VWA3A: variants seen among roughly 807,000 people sequenced by gnomAD.
VWA3A encodes von Willebrand factor A domain-containing protein 3A.
VWA3A carries 134 observed loss-of-function variants against 160.4 expected under a neutral mutation model. That is an observed-to-expected ratio of 0.84 (90% CI 0.73 to 0.96). The LOEUF (loss-of-function observed/expected upper bound fraction) is 0.96. Among genes scored for constraint, VWA3A ranks in the 40% least tolerant of loss-of-function variants. The pLI, the probability that VWA3A is intolerant of heterozygous loss-of-function variation, is 0.00. For missense variants in VWA3A, 1,310 were observed against 1,447.9 expected (o/e 0.90, Z 1.55); for synonymous variants, 476 against 543.4 (o/e 0.88, Z 1.72).
intron 7 of VWA3A, among the ~76,000 whole-genome samples, chr16:22,110,299 G>C (rs913418193): frequency 6.6e-6 from 1 of 152,186 alleles, no homozygotes; most frequent in Admixed American, 6.5e-5. Context: ...TTTTCTTACG[G>C]GTACCATGGC....
At chr16:22,115,846 G>T (rs1409867754) in intron 9 of VWA3A, among the ~76,000 whole-genome samples, 1 of 3,064 alleles carries the variant, frequency 3.3e-4, no homozygotes, top group African/African-American at 0.01. Flanking sequence ...AGGAAGGAAG[G>T]AAGGAAGGAA....
chr16:22,136,663 T>A (rs2046046647), intron 21 of VWA3A, among the ~76,000 whole-genome samples: 1 of 151,980 alleles, frequency 6.6e-6, no homozygotes. Flanking sequence ...CTGTGGCCAC[T>A]GGATCTGCAG....
At position 22,154,960 on chromosome 16, in the gene VWA3A, C is replaced by CA. The variant is rs747770335; in HGVS notation, c.3406-570dup. On this transcript the variant is annotated intron_variant, in intron 31 of 33. Coordinates refer to ENST00000389398, the MANE Select transcript of VWA3A (RefSeq NM_173615.5). ...TGGGCGACAGAGCGAGACTCCGTCT[C>CA]AAAAAAAAAAAAAAAAAAAAAAAAA... Among the ~76,000 whole-genome samples the CA allele has an allele frequency of 1.7e-4, 9 of 54,430 alleles. 2 individuals carry two copies. Among genetic ancestry groups the CA allele is most frequent in the East Asian group, 1.0e-3 (3 of 2,870 alleles). The allele number at this position is 54,430 out of a possible 152,430, so 35.7% of individuals were successfully genotyped here.
chr16:22,155,749 A>G, intron 32 of VWA3A, 85 bp downstream of exon 32: 1 of 1,602,422 alleles, frequency 6.2e-7, no homozygotes, highest in Non-Finnish European at 8.5e-7. Context: ...GGCCGCACCC[A>G]TGATGGTACC....
intron 1 of VWA3A, among the ~76,000 whole-genome samples, chr16:22,093,446 T>C (rs1370413468): frequency 6.6e-6 from 1 of 152,158 alleles, no homozygotes; most frequent in Admixed American, 6.5e-5. Flanking sequence ...TAAGATTTCA[T>C]TTGAGCAAAG....
intron 17 of VWA3A, among the ~76,000 whole-genome samples, chr16:22,130,954 G>T (rs1025694943): frequency 6.6e-6 from 1 of 152,128 alleles, no homozygotes; most frequent in Non-Finnish European, 1.5e-5. Context: ...TAAAGAGGGG[G>T]CCACACGCCA....
At chr16:22,150,607 G>C in intron 29 of VWA3A, 88 bp from the exon 30 acceptor site, 1 of 1,452,220 alleles carries the variant, frequency 6.9e-7, no homozygotes, top group Non-Finnish European at 9.2e-7. Context: ...TGGCAGAGGC[G>C]GCAGCAGGCA....
chr16:22,138,392 T>TTCAGGAAAAA lies in VWA3A; in HGVS notation c.2181_2182insATCAGGAAAA (p.Val728IlefsTer43). On this transcript the variant is annotated frameshift_variant, in exon 22 of 34. Transcript: ENST00000389398. LOFTEE classifies it high-confidence loss of function. The stretch of plus-strand genomic sequence containing the variant: ...TCCTCATGGCCTCCCTGAAGAACCA[T>TTCAGGAAAAA]TCAGGAAAAGTACTGGGAAGTTCAG... 1 of 1,606,422 alleles carries TTCAGGAAAAA rather than the reference T, an allele frequency of 6.2e-7. No homozygotes were observed. Among genetic ancestry groups the TTCAGGAAAAA allele is most frequent in the Non-Finnish European group, 8.5e-7 (1 of 1,176,758 alleles).
At chr16:22,099,462 A>G (rs183811715) in intron 3 of VWA3A, among the ~76,000 whole-genome samples, 2 of 152,322 alleles carry the variant, frequency 1.3e-5, no homozygotes, top group Admixed American at 1.3e-4. Flanking sequence ...GATTACCTAA[A>G]TTATCTGTAC....
At position 22,094,392 on chromosome 16, in the gene VWA3A, A is replaced by C. The variant is rs188437492; in HGVS notation, c.14+1741A>C. On this transcript the variant is annotated intron_variant, in intron 1 of 33. Coordinates refer to ENST00000389398, the MANE Select transcript of VWA3A (RefSeq NM_173615.5). The stretch of plus-strand genomic sequence containing the variant: ...AGAAAACAAAGCATCCTCTGAATAA[A>C]AGATTAAAGACTTGAAAGAGAAAAG... Among the ~76,000 whole-genome samples, 4 of 152,218 alleles carry C rather than the reference A, an allele frequency of 2.6e-5. No homozygotes were observed. The East Asian group carries it at 5.8e-4, about 22-fold the overall frequency.
At chr16:22,118,171 C>T (rs2045675941) in intron 11 of VWA3A, among the ~76,000 whole-genome samples, 1 of 152,116 alleles carries the variant, frequency 6.6e-6, no homozygotes, top group African/African-American at 2.4e-5. Flanking sequence ...GTCACAGCTA[C>T]TCAGGAGGCT....
At chr16:22,114,800 AT>A (rs35095196) in intron 8 of VWA3A, among the ~76,000 whole-genome samples, 4,181 of 133,190 alleles carry the variant, frequency 0.031, 60 homozygotes, top group South Asian at 0.059. Flanking sequence ...CTATCTCTCT[AT>A]TTTTTTTTTT....
At chr16:22,124,481 T>A (rs2045805244) in intron 16 of VWA3A, among the ~76,000 whole-genome samples, 1 of 149,952 alleles carries the variant, frequency 6.7e-6, no homozygotes, top group African/African-American at 2.4e-5. Flanking sequence ...CCATACCTTG[T>A]TTGATGAATT....
At chr16:22,138,579 G>A in intron 22 of VWA3A, 67 bp downstream of exon 22, 2 of 1,591,606 alleles carry the variant, frequency 1.3e-6, no homozygotes, top group South Asian at 1.1e-5. Flanking sequence ...TCTTTCCTGG[G>A]TCTTAAAATG....
intron 7 of VWA3A, 146 bp from the exon 8 acceptor site, chr16:22,110,742 G>A: frequency 3.4e-6 from 2 of 580,590 alleles, no homozygotes; most frequent in Non-Finnish European, 2.8e-6. Flanking sequence ...ATGTCGGCTT[G>A]GGGCTGGCTG....
chr16:22,092,635 T>C lies in VWA3A; in HGVS notation c.-3T>C, dbSNP rs1254399608. ...AGCCCTTCTCCCAAAGATGGAGAAA[T>C]AAATGAAGAAATACAGGTGAGGGTG... On this transcript the variant is annotated 5_prime_UTR_variant, in exon 1 of 34. An upstream open reading frame in the 5' UTR loses its in-frame stop. Coordinates refer to ENST00000389398, the MANE Select transcript of VWA3A (RefSeq NM_173615.5). 1.5e-5 allele frequency: 24 copies of C among 1,550,428 alleles called. No individual in the cohort carries two copies. The highest frequency in any genetic ancestry group is 4.1e-5 in the African/African-American group (3 of 72,884).
rs555388406 is a variant in VWA3A at position 22,100,481 on chromosome 16, C to T, written c.416C>T (p.Ser139Leu). The change falls in exon 5 of 34, where the codon TCA (serine) becomes TTA (leucine). Residue 139 changes from serine (S) to leucine (L), a missense_variant. Transcript: ENST00000389398. ...ACCCAGATCATCCGCCATTTTGAGT[C>T]AAAGCTTTCTGAGTAAGTATGTTTC... is the stretch of plus-strand genomic sequence containing the variant. ...FSTQIIRHFE[S>L]KLSDTIEVYQ... 6.4e-7 allele frequency: 1 copy of T among 1,551,542 alleles called. No homozygotes were observed. Among genetic ancestry groups the T allele is most frequent in the South Asian group, 1.2e-5 (1 of 84,026 alleles).
intron 7 of VWA3A, among the ~76,000 whole-genome samples, chr16:22,110,604 A>G (rs2045539075): frequency 1.3e-5 from 2 of 152,208 alleles, no homozygotes; most frequent in African/African-American, 4.8e-5. Flanking sequence ...CACATGCCTT[A>G]GAGAGAAACC....
intron 6 of VWA3A, among the ~76,000 whole-genome samples, chr16:22,107,650 G>A (rs1481845585): frequency 1.3e-5 from 2 of 152,316 alleles, no homozygotes; most frequent in Admixed American, 6.5e-5. Flanking sequence ...GGAGATTGAG[G>A]CAGGAGGATC....
Sources: allele counts gnomAD v4.1 joint callset (sites outside exome capture counted in the v4.1 genomes callset), GRCh38; gene constraint gnomAD v4.1.1; transcripts MANE v1.5; gene names NCBI Gene and HGNC (gene_info 2026-07-23, HGNC 2026-07-21).